MVD: variants seen among roughly 807,000 people sequenced by gnomAD.
MVD encodes mevalonate diphosphate decarboxylase, also known as diphosphomevalonate decarboxylase.
A neutral mutation model predicts 42.4 loss-of-function variants in MVD; 52 were observed. The observed-to-expected ratio is 1.23, with a 90% CI of 0.98 to 1.55. The LOEUF is 1.55. Among genes scored for constraint, MVD ranks in the 40% most tolerant of loss-of-function variants. MVD has a pLI of 0.00. For synonymous variants in MVD, 287 were observed against 243.2 expected, an observed-to-expected ratio of 1.18 and a Z score of -1.68; for missense variants, 663 against 572.1, an observed-to-expected ratio of 1.16 and a Z score of -1.62.
In MVD at chr16:88,655,689, C is replaced by A. The variant is rs1907871569; in HGVS notation, c.645G>T (p.Met215Ile). Residue 215 changes from methionine to isoleucine, a missense_variant, in exon 6 of 10, where the codon ATG becomes ATT. Met to Ile is a conservative substitution (Grantham distance 10). Transcript: ENST00000301012. ...GGGGGCTGGTCTCCACACTGGCCCG[C>A]ATGCCCACGGTACTGCCTGTCAGCT... Reference protein sequence around the residue: ...EKKLTGSTVGMRASVETSPLL... With the variant: ...EKKLTGSTVGIRASVETSPLL... 1 of 1,559,574 alleles carries A rather than the reference C, an allele frequency of 6.4e-7. No homozygotes were observed. Among genetic ancestry groups the A allele is most frequent in the East Asian group, 2.4e-5 (1 of 41,342 alleles).
At chr16:88,652,746 G>A in intron 9 of MVD, 141 bp from the exon 10 acceptor site, 1 of 792,472 alleles carries the variant, frequency 1.3e-6, no homozygotes, top group Non-Finnish European at 2.0e-6. Flanking sequence ...AAGCGCCTGA[G>A]TGGTGACACC....
chr16:88,658,451 G>A (rs180843858), intron 2 of MVD, among the ~76,000 whole-genome samples, 199 bp downstream of exon 2: 1 of 151,994 alleles, frequency 6.6e-6, no homozygotes, highest in East Asian at 1.9e-4. Context: ...TTGTTTCAGA[G>A]ACAGGGTCTC....
chr16:88,657,753 T>G, intron 3 of MVD, 162 bp downstream of exon 3: 1 of 1,245,988 alleles, frequency 8.0e-7, no homozygotes, highest in Non-Finnish European at 1.1e-6. Context: ...AGCTGGTCAT[T>G]GAGGTGGGCC....
intron 8 of MVD, among the ~76,000 whole-genome samples, chr16:88,654,197 TGTG>T (rs1907756900): frequency 6.6e-6 from 1 of 151,866 alleles, no homozygotes; most frequent in Non-Finnish European, 1.5e-5. Flanking sequence ...ATGGGGGCTC[TGTG>T]GCGCCAAGAT....
intron 8 of MVD, among the ~76,000 whole-genome samples, chr16:88,653,912 G>A (rs577552942): frequency 1.3e-5 from 2 of 152,214 alleles, no homozygotes; most frequent in South Asian, 4.1e-4. Context: ...CCACAGGGCA[G>A]GCCCCTGACC....
rs1908053127 is a variant in MVD, at chr16:88,658,032, G to A, written c.142-3C>T. ...ACGGCTGTTGTGGTGGTTTTTAACT[G>A]AAAAGGAAACCCAGGGCCACCTCAG... On this transcript the variant is annotated splice_region_variant and splice_polypyrimidine_tract_variant and intron_variant, in intron 2 of 9. Transcript: ENST00000301012. The A allele has an allele frequency of 6.2e-7, 1 of 1,613,734 alleles. No individual in the cohort carries two copies. Among genetic ancestry groups the A allele is most frequent in the South Asian group, 1.1e-5 (1 of 91,084 alleles).
intron 9 of MVD, among the ~76,000 whole-genome samples, 164 bp downstream of exon 9, chr16:88,653,136 T>G (rs189471270): frequency 5.6e-4 from 86 of 152,306 alleles, no homozygotes; most frequent in East Asian, 4.3e-3. Flanking sequence ...TGGCCTGTAA[T>G]GTCCACTTTG....
chr16:88,661,539 A>T (rs1908291454), intron 1 of MVD, among the ~76,000 whole-genome samples: 1 of 151,990 alleles, frequency 6.6e-6, no homozygotes, highest in African/African-American at 2.4e-5. Context: ...TGTGTAATGA[A>T]CTCTCCAAAC....
rs371444942 is a variant in MVD, at chr16:88,656,121, C to A, written c.587G>T (p.Arg196Leu). 1.9e-6 allele frequency: 3 copies of A among 1,601,106 alleles called. No homozygotes were observed. Among genetic ancestry groups the A allele is most frequent in the African/African-American group, 1.3e-5 (1 of 75,046 alleles). ...CCCACTCACCACAAGGATGAGCACG[C>A]GGAGTTCAGGCCAGTGTGACTCGGG... ...VAPESHWPEL[R>L]VLILVVSAEK... The change falls in exon 5 of 10, where the codon CGC becomes CTC. Residue 196 changes from arginine to leucine, a missense_variant. Transcript: ENST00000301012.
chr16:88,656,475 C>T, intron 4 of MVD, 171 bp from the exon 5 acceptor site: 3 of 684,922 alleles, frequency 4.4e-6, no homozygotes, highest in Non-Finnish European at 7.4e-6. Flanking sequence ...AGCCGTCTGT[C>T]CCCCACCTCC....
At chr16:88,654,424 G>A (rs747376567) in intron 8 of MVD, among the ~76,000 whole-genome samples, 1 of 152,298 alleles carries the variant, frequency 6.6e-6, no homozygotes, top group Admixed American at 6.5e-5. Flanking sequence ...GCGGGGTCCC[G>A]AGCTGCAGGG....
At chr16:88,658,125 C>T (rs1908058715) in intron 2 of MVD, 96 bp from the exon 3 acceptor site, 2 of 1,275,242 alleles carry the variant, frequency 1.6e-6, no homozygotes, top group African/African-American at 1.5e-5. Context: ...TGGCTGCCCA[C>T]TCGAGCAAGG....
intron 5 of MVD, 48 bp from the exon 6 acceptor site, chr16:88,655,778 C>A: frequency 6.5e-7 from 1 of 1,540,944 alleles, no homozygotes; most frequent in South Asian, 1.2e-5. Context: ...GGGGGCCAGC[C>A]CCAAGGACCT....
At position 88,653,403 on chromosome 16, in the gene MVD, A is replaced by G. The variant is rs751834820; in HGVS notation, c.1019T>C (p.Leu340Pro). Residue 340 changes from leucine (L) to proline (P), a missense_variant, in exon 9 of 10, where the codon CTG becomes CCG. Transcript: ENST00000301012. ...FPPGSNGDTF[L>P]KGLQVRPAPL... is the part of the protein sequence containing the mutation. ...GGCCGGCCTCACCTGCAGCCCCTTC[A>G]GAAACCTGGAAAAGCAGGGCAGGGG... 6.2e-7 allele frequency: 1 copy of G among 1,606,604 alleles called. No homozygotes were observed. The highest frequency in any genetic ancestry group is 8.5e-7 in the Non-Finnish European group (1 of 1,177,962).
intron 6 of MVD, 49 bp downstream of exon 6, chr16:88,655,607 G>T: frequency 6.5e-7 from 1 of 1,541,600 alleles, no homozygotes; most frequent in Non-Finnish European, 8.7e-7. Flanking sequence ...GCAGAGCCGG[G>T]CACAAGCGTG....
intron 4 of MVD, 49 bp from the exon 5 acceptor site, chr16:88,656,353 GCTCC>G: frequency 6.3e-7 from 1 of 1,576,776 alleles, no homozygotes; most frequent in Non-Finnish European, 8.6e-7. Flanking sequence ...CCTGCGCTGT[GCTCC>G]CTGACAGCTC....
At chr16:88,662,515 G>A (rs1908369349) in intron 1 of MVD, among the ~76,000 whole-genome samples, 1 of 152,192 alleles carries the variant, frequency 6.6e-6, no homozygotes, top group Non-Finnish European at 1.5e-5. Context: ...TGGGCCTGCG[G>A]GCCCCCCATT....
chr16:88,662,920 G>T, intron 1 of MVD, 91 bp downstream of exon 1: 1 of 1,539,552 alleles, frequency 6.5e-7, no homozygotes, highest in Non-Finnish European at 8.8e-7. Context: ...GGGAGGGCAG[G>T]ACGGAGCGCG....
Position 88,655,350 on chromosome 16 carries a change from A to G in MVD, c.746T>C (p.Phe249Ser), listed in dbSNP as rs761991070. Residue 249 changes from phenylalanine to serine, a missense_variant, in exon 7 of 10, where the codon TTC becomes TCC. Phe to Ser is a radical substitution (Grantham distance 155, BLOSUM62 -2). Transcript: ENST00000301012. ...EMARCIRERD[F>S]PSFAQLTMKD... The stretch of plus-strand genomic sequence containing the variant: ...CATGGTCAGCTGGGCGAAGCTGGGG[A>G]AGTCTCGCTCCCGGATGCAGCGGGC... The G allele has an allele frequency of 2.2e-5, 35 of 1,602,610 alleles. No homozygotes were observed. In the East Asian group the frequency reaches 7.7e-4, roughly 35 times the overall value.
Sources: gnomAD v4.1 joint callset for allele counts (sites outside exome capture counted in the v4.1 genomes callset) on GRCh38, gnomAD v4.1.1 for gene constraint, MANE v1.5 for transcripts, NCBI Gene and HGNC (gene_info 2026-07-23, HGNC 2026-07-21) for gene names.